ERAL1: variants seen among roughly 807,000 people sequenced by gnomAD.
ERAL1 encodes Era like 12S mitochondrial rRNA chaperone 1, also known as GTPase Era, mitochondrial.
In ERAL1, 36 loss-of-function variants were observed where a neutral mutation model predicts 53.6. That is an observed-to-expected ratio of 0.67 (90% CI 0.51 to 0.89). The LOEUF is 0.89. Ranked by LOEUF, ERAL1 falls within the 40% of genes least tolerant of loss-of-function variation. ERAL1 has a pLI of 0.00. For missense variants in ERAL1, 512 were observed against 537.5 expected, an observed-to-expected ratio of 0.95 and a Z score of 0.47; for synonymous variants, 215 against 211.8, an observed-to-expected ratio of 1.02 and a Z score of -0.13.
At chr17:28,857,588 A>G (rs568966908) in intron 3 of ERAL1, among the ~76,000 whole-genome samples, 47 of 151,218 alleles carry the variant, frequency 3.1e-4, no homozygotes, top group Admixed American at 3.1e-3. Context: ...TCAGGAGTTC[A>G]AGACCAGCCT....
At chr17:28,857,441 C>T (rs1412087036) in intron 3 of ERAL1, among the ~76,000 whole-genome samples, 1 of 151,880 alleles carries the variant, frequency 6.6e-6, no homozygotes, top group African/African-American at 2.4e-5. Context: ...CCTAATCTTC[C>T]TTATATTCAC....
rs779249128 is a variant in ERAL1, at chr17:28,856,432, A to T, written c.411+41A>T. 5 of 1,613,364 alleles carry T rather than the reference A, an allele frequency of 3.1e-6. No homozygotes were observed. In the African/African-American group the frequency reaches 6.7e-5, roughly 22 times the overall value. ...GACCATCCTACCCTTTACATCTTTT[A>T]CTTCTTGCCATGCCTTCAAGGATGG... On this transcript the variant is annotated intron_variant, in intron 2 of 9. Coordinates refer to ENST00000254928, the MANE Select transcript of ERAL1 (RefSeq NM_005702.4).
At chr17:28,858,050 TA>T in intron 4 of ERAL1, 65 bp downstream of exon 4, 1 of 1,613,094 alleles carries the variant, frequency 6.2e-7, no homozygotes. Flanking sequence ...GAGATTCCAT[TA>T]TAGGGGCTGG....
rs368063711 is a variant in ERAL1, at chr17:28,858,494, C to T, written c.711+8C>T. 97 of 1,613,818 alleles carry T rather than the reference C, an allele frequency of 6.0e-5. No homozygotes were observed. The highest frequency in any genetic ancestry group is 4.9e-4 in the Middle Eastern group (3 of 6,084). ...GTCCTGGTCATGAACAAGGTGAGCACTACCCACCTGAGGAAGGGGTCTACT... is the reference window on the plus strand; with the variant it reads ...GTCCTGGTCATGAACAAGGTGAGCATTACCCACCTGAGGAAGGGGTCTACT... On this transcript the variant is annotated splice_region_variant and intron_variant, in intron 6 of 9. Coordinates refer to ENST00000254928, the MANE Select transcript of ERAL1 (RefSeq NM_005702.4).
chr17:28,860,867 T>G lies in ERAL1; in HGVS notation c.*314T>G, dbSNP rs1598079189. On this transcript the variant is annotated 3_prime_UTR_variant, in exon 10 of 10. Transcript: ENST00000254928. ...CCTCCAGCTAGCTATGGGCCCAGAG[T>G]TTCTCCCTGAGTCGCTGTTGCTAGC... 5.0e-6 allele frequency: 1 copy of G among 201,262 alleles called. No individual in the cohort carries two copies. The highest frequency in any genetic ancestry group is 2.4e-5 in the African/African-American group (1 of 42,208). The allele number at this position is 201,262 out of a possible 1,614,324, so 12.5% of individuals were successfully genotyped here. A position where few individuals can be genotyped will look rare whatever the true frequency, so the allele number is the denominator to read the frequency against.
intron 9 of ERAL1, among the ~76,000 whole-genome samples, chr17:28,859,779 G>A (rs1370412075): frequency 6.6e-6 from 1 of 151,534 alleles, no homozygotes; most frequent in African/African-American, 2.4e-5. Context: ...ACCTCAAATT[G>A]TCCGCCCACC....
At chr17:28,859,915 C>T (rs764293527) in intron 9 of ERAL1, among the ~76,000 whole-genome samples, 2 of 152,098 alleles carry the variant, frequency 1.3e-5, no homozygotes, top group Non-Finnish European at 2.9e-5. Flanking sequence ...TGCACCTTGG[C>T]CTCCGAAAGT....
At chr17:28,858,284 A>G (rs2039265875) in intron 5 of ERAL1, 77 bp downstream of exon 5, 1 of 1,608,976 alleles carries the variant, frequency 6.2e-7, no homozygotes, top group Non-Finnish European at 8.5e-7. Flanking sequence ...TTGGGGGGCA[A>G]AAGCCAAGCT....
intron 9 of ERAL1, 66 bp from the exon 10 acceptor site, chr17:28,860,365 C>G (rs915501812): frequency 6.3e-7 from 1 of 1,585,632 alleles, no homozygotes; most frequent in Non-Finnish European, 8.6e-7. Context: ...CCTTAGCCCC[C>G]CAAGTAGCTG....
At chr17:28,858,046 C>G (rs893127595) in intron 4 of ERAL1, 61 bp downstream of exon 4, 3 of 1,612,684 alleles carry the variant, frequency 1.9e-6, no homozygotes, top group Non-Finnish European at 1.7e-6. Flanking sequence ...TGGGGAGATT[C>G]CATTATAGGG....
intron 6 of ERAL1, 25 bp from the exon 7 acceptor site, chr17:28,858,550 AC>A (rs1252494591): frequency 6.2e-7 from 1 of 1,613,796 alleles, no homozygotes; most frequent in East Asian, 2.2e-5. Context: ...CTGACCACAC[AC>A]CCTTTGCCCA....
rs770012398 is a variant in ERAL1, at chr17:28,859,113, G to T, written c.1110G>T (p.Gln370His). ...AGGAGGTGCCTTACAATGTACAGCA[G>T]GTACAGAGTGAAGGGTTCTGGGGGC... Reference protein sequence around the residue: ...LPQEVPYNVQQKTAVWEEGPG... With the variant: ...LPQEVPYNVQHKTAVWEEGPG... The change falls in exon 8 of 10, where the codon CAG (glutamine) becomes CAT (histidine). Residue 370 changes from glutamine to histidine, a missense_variant and splice_region_variant. By Grantham distance (24) the Gln-to-His change is conservative (BLOSUM62 0). Coordinates refer to ENST00000254928, the MANE Select transcript of ERAL1 (RefSeq NM_005702.4). 1 of 1,614,070 alleles carries T rather than the reference G, an allele frequency of 6.2e-7. No individual in the cohort carries two copies. Among genetic ancestry groups the T allele is most frequent in the Admixed American group, 1.7e-5 (1 of 60,004 alleles).
At chr17:28,856,772 C>T (rs1471108481) in intron 3 of ERAL1, 190 bp downstream of exon 3, 17 of 535,820 alleles carry the variant, frequency 3.2e-5, no homozygotes, top group East Asian at 1.0e-4. Context: ...AGTGCAGTGA[C>T]GCGATCTTGG....
chr17:28,859,650 C>T (rs1211261917), intron 9 of ERAL1, among the ~76,000 whole-genome samples: 1 of 152,022 alleles, frequency 6.6e-6, no homozygotes, highest in African/African-American at 2.4e-5. Flanking sequence ...AGTGATTCTC[C>T]TGCCTCAGCC....
rs2039272487 is a variant in ERAL1 at position 28,858,776 on chromosome 17, G to A, written c.912G>A (p.Glu304=). The A allele has an allele frequency of 6.2e-7, 1 of 1,614,096 alleles. No homozygotes were observed. Among genetic ancestry groups the A allele is most frequent in the Admixed American group, 1.7e-5 (1 of 60,006 alleles). The change falls in exon 7 of 10, where the codon GAG becomes GAA. Residue 304 remains glutamate (E), a synonymous_variant. Coordinates refer to ENST00000254928, the MANE Select transcript of ERAL1 (RefSeq NM_005702.4). ...GGATTGGCTGGCCCCACTTCAAGGA[G>A]ATCTTCATGTTGTCAGCCCTAAGCC... ...PQRIGWPHFK[E]IFMLSALSQE... is the part of the protein sequence containing the mutation.
At position 28,858,602 on chromosome 17, in the gene ERAL1, TCTC is replaced by T. The variant is rs2152642448; in HGVS notation, c.741_743del (p.Leu248del). On this transcript the variant is annotated inframe_deletion, in exon 7 of 10. Transcript: ENST00000254928. ...TAGATTGTTTGAAGCAGAAGTCAGT[TCTC>T]CTGGAGCTCACGGCAGCCCTCACTG... The T allele has an allele frequency of 1.9e-6, 3 of 1,614,114 alleles. No individual in the cohort carries two copies. The highest frequency in any genetic ancestry group is 2.2e-5 in the East Asian group (1 of 44,878).
At position 28,859,278 on chromosome 17, in the gene ERAL1, T is replaced by C. The variant is rs762795530; in HGVS notation, c.1186T>C (p.Tyr396His). 8.7e-6 allele frequency: 14 copies of C among 1,613,972 alleles called. No homozygotes were observed. The African/African-American group carries it at 1.5e-4, about 17-fold the overall frequency. ...QQKLLVPKES[Y>H]VKLLIGPKGH... ...GAAGCTTCTGGTGCCCAAAGAATCTTATGTGGTAAGTGAGACTAGGCTCAG... is the reference window on the plus strand; with the variant it reads ...GAAGCTTCTGGTGCCCAAAGAATCTCATGTGGTAAGTGAGACTAGGCTCAG... The change falls in exon 9 of 10, where the codon TAT becomes CAT. Residue 396 changes from tyrosine (Y) to histidine (H), a missense_variant. Tyr to His is a moderately conservative substitution (Grantham distance 83). Transcript: ENST00000254928.
At position 28,856,954 on chromosome 17, in the gene ERAL1, G is replaced by A. The variant is rs1004118478; in HGVS notation, c.489+372G>A. On this transcript the variant is annotated intron_variant, in intron 3 of 9. Coordinates refer to ENST00000254928, the MANE Select transcript of ERAL1 (RefSeq NM_005702.4). ...TCTCGATCTCCTGACCGCGTGATCC[G>A]CCTGCCTCAGCATCCCAAAGTGCTG... Among the ~76,000 whole-genome samples, 44 of 151,450 alleles carry A rather than the reference G, an allele frequency of 2.9e-4. 1 individual carries two copies. Among genetic ancestry groups the A allele is most frequent in the South Asian group, 1.7e-3 (8 of 4,796 alleles).
intron 4 of ERAL1, 66 bp downstream of exon 4, chr17:28,858,051 A>T (rs1598076222): frequency 6.2e-6 from 10 of 1,612,980 alleles, no homozygotes; most frequent in Non-Finnish European, 8.5e-6. Context: ...AGATTCCATT[A>T]TAGGGGCTGG....
Sources: gnomAD v4.1 joint callset for allele counts (sites outside exome capture counted in the v4.1 genomes callset) on GRCh38, gnomAD v4.1.1 for gene constraint, MANE v1.5 for transcripts, NCBI Gene and HGNC (gene_info 2026-07-23, HGNC 2026-07-21) for gene names.